KDM4A: variants seen among roughly 807,000 people sequenced by gnomAD.
KDM4A encodes lysine-specific demethylase 4A.
In KDM4A, 23 loss-of-function variants were observed where a neutral mutation model predicts 127.1. The observed-to-expected ratio is 0.18, with a 90% CI of 0.13 to 0.26. The LOEUF (loss-of-function observed/expected upper bound fraction) is 0.26. Among genes scored for constraint, KDM4A ranks in the 10% least tolerant of loss-of-function variants. The pLI, the probability that KDM4A is intolerant of heterozygous loss-of-function variation, is 1.00. For missense variants in KDM4A, 890 were observed against 1,329.1 expected (o/e 0.67, Z 5.14); for synonymous variants, 443 against 466.5 (o/e 0.95, Z 0.65).
intron 19 of KDM4A, chr1:43,700,069 T>A (rs980500548): frequency 6.6e-6 from 1 of 152,022 alleles, no homozygotes; most frequent in African/African-American, 2.4e-5. Context: ...ATACACTGTT[T>A]AGGTTCAAGT....
chr1:43,701,152 C>A (rs1055393077), intron 19 of KDM4A, among the ~76,000 whole-genome samples: 5 of 151,806 alleles, frequency 3.3e-5, no homozygotes, highest in Non-Finnish European at 7.4e-5. Flanking sequence ...ATCTCTTGAC[C>A]TCGTGATCTG....
At chr1:43,664,978 T>C (rs1660467682) in intron 5 of KDM4A, among the ~76,000 whole-genome samples, 1 of 148,418 alleles carries the variant, frequency 6.7e-6, no homozygotes, top group South Asian at 2.1e-4. Flanking sequence ...GATTTGTTGT[T>C]ACTGTGGAAT....
At chr1:43,661,479 G>T (rs1027477535) in intron 4 of KDM4A, among the ~76,000 whole-genome samples, 3 of 151,436 alleles carry the variant, frequency 2.0e-5, no homozygotes, top group African/African-American at 7.3e-5. Context: ...AGTAGCGGGC[G>T]CCTGTAGTCC....
chr1:43,657,490 C>T (rs751515957), intron 3 of KDM4A, among the ~76,000 whole-genome samples: 23 of 152,132 alleles, frequency 1.5e-4, no homozygotes, highest in Non-Finnish European at 2.8e-4. Flanking sequence ...TGTGAGCCAC[C>T]GTGCCCGGCC....
chr1:43,679,480 T>C (rs1468710510), intron 11 of KDM4A, among the ~76,000 whole-genome samples: 1 of 152,162 alleles, frequency 6.6e-6, no homozygotes, highest in East Asian at 1.9e-4. Context: ...TCTATATTTG[T>C]AGACAACTGG....
chr1:43,689,729 C>T (rs1051274501), intron 13 of KDM4A, among the ~76,000 whole-genome samples: 4 of 152,094 alleles, frequency 2.6e-5, no homozygotes, highest in African/African-American at 9.7e-5. Context: ...AGCTCAGTCT[C>T]AGCTGGGACC....
At chr1:43,680,708 G>A (rs1041240764) in intron 11 of KDM4A, among the ~76,000 whole-genome samples, 2 of 152,184 alleles carry the variant, frequency 1.3e-5, no homozygotes, top group African/African-American at 2.4e-5. Context: ...CAAAGGCAGC[G>A]GCATCCAGCC....
At chr1:43,667,721 T>C (rs1247826724) in intron 8 of KDM4A, 51 bp from the exon 9 acceptor site, 1 of 1,610,190 alleles carries the variant, frequency 6.2e-7, no homozygotes, top group Non-Finnish European at 8.5e-7. Flanking sequence ...GGGGGTGAGT[T>C]GGAAGCAGCA....
intron 9 of KDM4A, among the ~76,000 whole-genome samples, 170 bp downstream of exon 9, chr1:43,668,189 G>A (rs563788266): frequency 1.3e-5 from 2 of 152,098 alleles, no homozygotes; most frequent in East Asian, 1.9e-4. Flanking sequence ...GCAGTGGTGC[G>A]ATCTCGGCTC....
At chr1:43,665,860 G>A in intron 6 of KDM4A, 115 bp downstream of exon 6, 1 of 1,040,780 alleles carries the variant, frequency 9.6e-7, no homozygotes, top group East Asian at 2.4e-5. Flanking sequence ...TTGCAGGCCT[G>A]CAGACGGGGG....
chr1:43,683,556 C>A, intron 11 of KDM4A, 128 bp from the exon 12 acceptor site: 1 of 1,083,046 alleles, frequency 9.2e-7, no homozygotes, highest in Non-Finnish European at 1.3e-6. Context: ...TAGGTATTTT[C>A]TGTTTGGTAT....
At chr1:43,677,173 T>C (rs184961880) in intron 11 of KDM4A, among the ~76,000 whole-genome samples, 100 of 152,128 alleles carry the variant, frequency 6.6e-4, no homozygotes, top group South Asian at 1.0e-3. Context: ...GGTGAAACCT[T>C]GTCTTTACTA....
chr1:43,667,669 C>G (rs1660529327), intron 8 of KDM4A, 103 bp from the exon 9 acceptor site: 1 of 1,460,948 alleles, frequency 6.8e-7, no homozygotes, highest in South Asian at 1.2e-5. Context: ...GGTTATAAAC[C>G]ATCTTGCACT....
chr1:43,660,996 C>T (rs1660361867), intron 4 of KDM4A, among the ~76,000 whole-genome samples: 8 of 149,364 alleles, frequency 5.4e-5, no homozygotes, highest in Admixed American at 4.0e-4. Flanking sequence ...TTTTTTGAGA[C>T]GGAGTTTCGC....
chr1:43,667,698 G>GGAGCTAGGACGTGGGGGT (rs1660530022), intron 8 of KDM4A, 74 bp from the exon 9 acceptor site: 4 of 1,586,636 alleles, frequency 2.5e-6, no homozygotes, highest in Admixed American at 1.7e-5. Flanking sequence ...TGTGGAGGGA[G>GGAGCTAGGACGTGGGGGT]GAGCTAGGAC....
At chr1:43,671,953 A>T (rs1660629576) in intron 11 of KDM4A, 78 bp downstream of exon 11, 1 of 1,452,138 alleles carries the variant, frequency 6.9e-7, no homozygotes, top group African/African-American at 1.4e-5. Context: ...TGTGTGGGGG[A>T]GGGAGGTGGA....
chr1:43,672,925 G>T (rs949682271), intron 11 of KDM4A, among the ~76,000 whole-genome samples: 8 of 152,158 alleles, frequency 5.3e-5, no homozygotes, highest in Non-Finnish European at 1.2e-4. Flanking sequence ...TTCTTACCTT[G>T]AAATTCAAGG....
At chr1:43,689,226 C>G in intron 13 of KDM4A, 131 bp downstream of exon 13, 1 of 896,356 alleles carries the variant, frequency 1.1e-6, no homozygotes, top group Non-Finnish European at 1.7e-6. Flanking sequence ...TTCTCTGCCC[C>G]ATCTGTGTAT....
intron 19 of KDM4A, chr1:43,700,046 T>A (rs917837951): frequency 9.9e-5 from 15 of 151,778 alleles, no homozygotes; most frequent in African/African-American, 3.6e-4. Flanking sequence ...ACTTCTTGAT[T>A]CAATCTATTG....
Sources: allele counts gnomAD v4.1 joint callset (sites outside exome capture counted in the v4.1 genomes callset), GRCh38; gene constraint gnomAD v4.1.1; transcripts MANE v1.5; gene names NCBI Gene and HGNC (gene_info 2026-07-23, HGNC 2026-07-21).